The following ZNF492 variants were observed in gnomAD, a reference collection of about 807,000 sequenced individuals.
ZNF492 encodes zinc finger protein 492.
In ZNF492, 3 loss-of-function variants were observed where a neutral mutation model predicts 6.4. The observed-to-expected ratio is 0.47, with a 90% CI of 0.21 to 1.22. ZNF492 has a LOEUF of 1.22. Among genes scored for constraint, ZNF492 ranks in the 50% most tolerant of loss-of-function variants. The pLI is 0.22. For synonymous variants in ZNF492, 112 were observed against 205.3 expected, an observed-to-expected ratio of 0.55 and a Z score of 3.89; for missense variants, 356 against 612.5, an observed-to-expected ratio of 0.58 and a Z score of 4.42.
rs1555724940 is a variant in ZNF492 at position 22,647,732 on chromosome 19, T to TTTTTTTTG, written c.-93-5568_-93-5567insGTTTTTTT. ...CTTGCTTTCTAGCTCTTTTAGTTTTTTTTTTTTTTTTTTTTGAGATGGAGA... is the reference window on the plus strand; with the variant it reads ...CTTGCTTTCTAGCTCTTTTAGTTTTTTTTTTTTGTTTTTTTTTTTTTTTGAGATGGAGA... On this transcript the variant is annotated intron_variant, in intron 1 of 3. Transcript: ENST00000456783. 8.9e-4 allele frequency among the ~76,000 whole-genome samples: 108 copies of TTTTTTTTG among 121,604 alleles called. 1 individual carries two copies. The highest frequency in any genetic ancestry group is 1.6e-3 in the Non-Finnish European group (92 of 56,708). The allele number at this position is 121,604 out of a possible 152,430, so 79.8% of individuals were successfully genotyped here.
At chr19:22,653,500 A>G in intron 2 of ZNF492, 67 bp downstream of exon 2, 1 of 1,575,606 alleles carries the variant, frequency 6.3e-7, no homozygotes, top group Non-Finnish European at 8.6e-7. Flanking sequence ...TTTTTGTAGA[A>G]TGGTTTTTGG....
chr19:22,635,634 C>G (rs1432041969), intron 1 of ZNF492, among the ~76,000 whole-genome samples: 1 of 152,174 alleles, frequency 6.6e-6, no homozygotes, highest in African/African-American at 2.4e-5. Flanking sequence ...GTTTTAGTGT[C>G]AAGATGTTTT....
At chr19:22,662,486 C>T (rs1042136658) in intron 3 of ZNF492, among the ~76,000 whole-genome samples, 8 of 152,194 alleles carry the variant, frequency 5.3e-5, no homozygotes, top group African/African-American at 1.9e-4. Flanking sequence ...ATTTCTAGTT[C>T]TAGATCCTTG....
intron 1 of ZNF492, among the ~76,000 whole-genome samples, chr19:22,635,575 G>A (rs1041975739): frequency 6.6e-6 from 1 of 152,218 alleles, no homozygotes; most frequent in African/African-American, 2.4e-5. Flanking sequence ...AAAAATCTCT[G>A]TGCCTCTTTT....
chr19:22,636,354 C>T (rs1312021101), intron 1 of ZNF492, among the ~76,000 whole-genome samples: 3 of 152,046 alleles, frequency 2.0e-5, no homozygotes, highest in Non-Finnish European at 4.4e-5. Context: ...CCGCCTCGGC[C>T]CAAAGTGTTG....
chr19:22,662,007 C>T (rs1466692236), intron 3 of ZNF492, among the ~76,000 whole-genome samples: 3 of 152,032 alleles, frequency 2.0e-5, no homozygotes, highest in African/African-American at 7.2e-5. Flanking sequence ...ACTTTAAGTC[C>T]TAGGGTACAT....
intron 1 of ZNF492, among the ~76,000 whole-genome samples, chr19:22,638,980 T>A (rs1971796413): frequency 6.6e-6 from 1 of 152,024 alleles, no homozygotes; most frequent in South Asian, 2.1e-4. Context: ...TAGCTGAGAT[T>A]ACAGATGCCT....
At chr19:22,654,670 C>T (rs1038589639) in intron 3 of ZNF492, among the ~76,000 whole-genome samples, 36 of 149,652 alleles carry the variant, frequency 2.4e-4, no homozygotes, top group South Asian at 8.5e-4. Context: ...GTCATCATCT[C>T]GGCTAACTGC....
At chr19:22,657,022 G>C (rs1400159430) in intron 3 of ZNF492, among the ~76,000 whole-genome samples, 2 of 151,966 alleles carry the variant, frequency 1.3e-5, no homozygotes, top group Non-Finnish European at 2.9e-5. Context: ...AGCAAATAAG[G>C]CACCATTTAT....
intron 1 of ZNF492, among the ~76,000 whole-genome samples, chr19:22,646,749 G>A (rs923333207): frequency 6.6e-6 from 1 of 152,108 alleles, no homozygotes; most frequent in Non-Finnish European, 1.5e-5. Context: ...TTTATCAAAG[G>A]CCATTTCTGC....
chr19:22,659,212 C>A (rs1972028913), intron 3 of ZNF492, among the ~76,000 whole-genome samples: 1 of 150,268 alleles, frequency 6.7e-6, no homozygotes, highest in Non-Finnish European at 1.5e-5. Flanking sequence ...TCGTTGTATA[C>A]TCATTTCATT....
rs139389137 is a variant in ZNF492, at chr19:22,639,076, G to A, written c.-94+4602G>A. 7.6e-3 allele frequency among the ~76,000 whole-genome samples: 1,162 copies of A among 151,974 alleles called. 10 individuals are homozygous for A. Among genetic ancestry groups the A allele is most frequent in the African/African-American group, 0.026 (1,086 of 41,494 alleles). On this transcript the variant is annotated intron_variant, in intron 1 of 3. Transcript: ENST00000456783. Reference sequence around the variant, plus strand: ...AGGCTGGTCTTCAACTCCTGACCTCGTGATCCACCTGCCTCAGCCTCCCAA... The same window carrying A: ...AGGCTGGTCTTCAACTCCTGACCTCATGATCCACCTGCCTCAGCCTCCCAA...
intron 3 of ZNF492, among the ~76,000 whole-genome samples, chr19:22,655,848 A>G (rs1184189451): frequency 3.4e-5 from 4 of 118,852 alleles, no homozygotes; most frequent in Non-Finnish European, 6.4e-5. Context: ...TTTTTGAGAC[A>G]GCGTCTCACT....
chr19:22,656,530 G>C lies in ZNF492; in HGVS notation c.130+2515G>C, dbSNP rs554337940. On this transcript the variant is annotated intron_variant, in intron 3 of 3. Transcript: ENST00000456783. ...CTGTGGCTCAGGGTGATAAAACTGA[G>C]TCATGGAACTGCTTCAGGGACCACA... is the stretch of plus-strand genomic sequence containing the variant. Among the ~76,000 whole-genome samples, 254 of 152,202 alleles carry C rather than the reference G, an allele frequency of 1.7e-3. 4 individuals are homozygous for C. The highest frequency in any genetic ancestry group is 5.9e-3 in the African/African-American group (245 of 41,466).
intron 1 of ZNF492, among the ~76,000 whole-genome samples, chr19:22,650,887 C>T (rs1262551388): frequency 6.6e-6 from 1 of 152,108 alleles, no homozygotes; most frequent in Non-Finnish European, 1.5e-5. Context: ...GCCCCTCCCC[C>T]AGGGAGCTCA....
intron 1 of ZNF492, among the ~76,000 whole-genome samples, chr19:22,648,534 T>C (rs577426478): frequency 2.6e-5 from 4 of 152,334 alleles, no homozygotes; most frequent in South Asian, 2.1e-4. Context: ...CCGTCTAATA[T>C]TGACAGTGAG....
chr19:22,661,125 A>C (rs1156553381), intron 3 of ZNF492, among the ~76,000 whole-genome samples: 2 of 151,862 alleles, frequency 1.3e-5, no homozygotes, highest in Non-Finnish European at 2.9e-5. Flanking sequence ...TGTGTATCCT[A>C]ATTTGTTTGT....
rs562041679 is a variant in ZNF492, at chr19:22,664,131, A to T, written c.462A>T (p.Ser154=). 2.8e-4 allele frequency: 454 copies of T among 1,604,222 alleles called. 4 individuals carry two copies. The South Asian group carries it at 4.8e-3, about 17-fold the overall frequency. The part of the protein sequence containing the change: ...KECEKSFCML[S]HLAQHKRIHS... ...GTGAAAAGTCATTTTGCATGCTTTCACACTTAGCTCAACATAAAAGAATTC... is the reference window on the plus strand; with the variant it reads ...GTGAAAAGTCATTTTGCATGCTTTCTCACTTAGCTCAACATAAAAGAATTC... The change falls in exon 4 of 4, where the codon TCA becomes TCT. Residue 154 remains serine (S), a synonymous_variant. Transcript: ENST00000456783.
intron 1 of ZNF492, among the ~76,000 whole-genome samples, chr19:22,639,836 C>G (rs1971808732): frequency 2.6e-5 from 4 of 150,962 alleles, no homozygotes; most frequent in Admixed American, 2.6e-4. Context: ...TGTTTGTATG[C>G]CTTTTTTTTT....
Sources: gnomAD v4.1 joint callset for allele counts (sites outside exome capture counted in the v4.1 genomes callset) on GRCh38, gnomAD v4.1.1 for gene constraint, MANE v1.5 for transcripts, NCBI Gene and HGNC (gene_info 2026-07-23, HGNC 2026-07-21) for gene names.